The following REV1 variants were observed in gnomAD, a reference collection of about 807,000 sequenced individuals.
The protein encoded by REV1 is translesion synthesis protein REV1.
Under a neutral mutation model 137.4 loss-of-function variants are expected in REV1, and 42 were observed. The observed-to-expected ratio is 0.31, with a 90% confidence interval of 0.24 to 0.40. REV1 has a LOEUF of 0.40. REV1 is among the 10% of genes least tolerant of loss of function. The pLI is 1.00. For synonymous variants in REV1, 524 were observed against 519.2 expected (o/e 1.01, Z -0.12); for missense variants, 1,282 against 1,490.1 (o/e 0.86, Z 2.30).
At position 99,435,668 on chromosome 2, in the gene REV1, ACT is replaced by A. The variant is rs768276863; in HGVS notation, c.1321+164_1321+165del. The A allele has an allele frequency of 8.9e-4, 438 of 490,172 alleles. 5 individuals are homozygous for A. The highest frequency in any genetic ancestry group is 2.8e-3 in the Admixed American group (69 of 24,876). 30.4% of individuals were successfully genotyped at this position (490,172 alleles called of 1,614,324 possible). On this transcript the variant is annotated intron_variant, in intron 7 of 22. Coordinates refer to ENST00000258428, the MANE Select transcript of REV1 (RefSeq NM_016316.4). ...AAGATCCCTATAGGGAGAAAGAAAA[ACT>A]CTAATTTCCCTATACCTTCCCTGAT...
intron 3 of REV1, among the ~76,000 whole-genome samples, chr2:99,450,531 T>G (rs898947282): frequency 7.9e-5 from 12 of 152,176 alleles, no homozygotes; most frequent in African/African-American, 2.7e-4. Flanking sequence ...TGAGCTTTAG[T>G]TTCTAGAAGA....
chr2:99,472,194 T>C (rs1217512924), intron 1 of REV1, among the ~76,000 whole-genome samples: 5 of 152,144 alleles, frequency 3.3e-5, no homozygotes, highest in Non-Finnish European at 7.3e-5. Context: ...CAAAATGTGG[T>C]ATATACATAC....
rs780345242 is a variant in REV1, at chr2:99,402,330, G to A, written c.3558C>T (p.Asp1186=). 1.3e-6 allele frequency: 2 copies of A among 1,527,772 alleles called. No individual in the cohort carries two copies. The highest frequency in any genetic ancestry group is 3.6e-5 in the Admixed American group (2 of 54,818). The allele number at this position is 1,527,772 out of a possible 1,614,324, so 94.6% of individuals were successfully genotyped here. ...TACAGTATTTCACAACTTGGAGAAT[G>A]TCTTCTTCCATTGGATCTAGGAAGG... ...ITTISDPMEE[D]ILQVVKYCTD... is the part of the protein sequence containing the mutation. Residue 1186 remains aspartate, a synonymous_variant, in exon 22 of 23, where the codon GAC becomes GAT. Transcript: ENST00000258428.
chr2:99,440,715 G>C (rs2104842506), intron 5 of REV1, among the ~76,000 whole-genome samples: 1 of 152,244 alleles, frequency 6.6e-6, no homozygotes, highest in Middle Eastern at 3.4e-3. Context: ...GCATTTCAAA[G>C]AAATGTACAA....
At position 99,434,456 on chromosome 2, in the gene REV1, G is replaced by A; in HGVS notation, c.1322-8C>T. 6.4e-7 allele frequency: 1 copy of A among 1,571,960 alleles called. No homozygotes were observed. Among genetic ancestry groups the A allele is most frequent in the Admixed American group, 1.8e-5 (1 of 54,688 alleles). ...TAACAGCCACTGGTTTTCCTGTGAG[G>A]AAAATATTAAATTATTTCTGTATGT... On this transcript the variant is annotated splice_polypyrimidine_tract_variant and splice_region_variant and intron_variant, in intron 7 of 22. Coordinates refer to ENST00000258428, the MANE Select transcript of REV1 (RefSeq NM_016316.4).
chr2:99,410,335 A>G (rs969673337), intron 14 of REV1, among the ~76,000 whole-genome samples: 1 of 152,076 alleles, frequency 6.6e-6, no homozygotes, highest in East Asian at 1.9e-4. Flanking sequence ...TAAGAACTAC[A>G]TTGAAATTTT....
chr2:99,403,956 G>A lies in REV1; in HGVS notation c.3046-141C>T, dbSNP rs1675886998. The A allele has an allele frequency of 4.9e-6, 5 of 1,012,354 alleles. No homozygotes were observed. In the South Asian group the frequency reaches 8.1e-5, roughly 16 times the overall value. The allele number at this position is 1,012,354 out of a possible 1,614,324, so 62.7% of individuals were successfully genotyped here. On this transcript the variant is annotated intron_variant, in intron 18 of 22. Coordinates refer to ENST00000258428, the MANE Select transcript of REV1 (RefSeq NM_016316.4). Reference sequence around the variant, plus strand: ...TTCTTAACAGTTCCCCAATATCAAAGCTGATTAAATCTTCAAAATGGTTAG... The same window carrying A: ...TTCTTAACAGTTCCCCAATATCAAAACTGATTAAATCTTCAAAATGGTTAG...
At chr2:99,451,233 CCTAAA>C in intron 3 of REV1, 1 of 595,882 alleles carries the variant, frequency 1.7e-6, no homozygotes, top group Non-Finnish European at 2.2e-6. Context: ...CTGTAACTTT[CCTAAA>C]CTAATTCTAT....
chr2:99,403,943 C>T, intron 18 of REV1, 128 bp from the exon 19 acceptor site: 1 of 1,100,374 alleles, frequency 9.1e-7, no homozygotes, highest in Non-Finnish European at 1.3e-6. Context: ...CTTAACAGTT[C>T]CCCAATATCA....
intron 3 of REV1, among the ~76,000 whole-genome samples, chr2:99,455,660 T>C (rs1683454304): frequency 6.6e-6 from 1 of 152,152 alleles, no homozygotes; most frequent in Non-Finnish European, 1.5e-5. Context: ...GAAGGAGAGA[T>C]ATTATATATC....
At chr2:99,426,042 A>G (rs1485973525) in intron 9 of REV1, among the ~76,000 whole-genome samples, 2 of 149,522 alleles carry the variant, frequency 1.3e-5, no homozygotes, top group Admixed American at 1.3e-4. Context: ...ATCTCAAAAA[A>G]AGAAACCCAA....
chr2:99,431,827 A>G, intron 8 of REV1: 1 of 985,386 alleles, frequency 1.0e-6, no homozygotes, highest in Non-Finnish European at 1.2e-6. Flanking sequence ...GCAGGGACAC[A>G]CTGTCCTCAC....
In REV1 at chr2:99,409,619, G is replaced by A. The variant is rs569047723; in HGVS notation, c.2345+1076C>T. ...AACACTATGGGAGGCTGCGGTGGGC[G>A]GATCATTTGAAGTCAGGAGTTCAAG... is the stretch of plus-strand genomic sequence containing the variant. On this transcript the variant is annotated intron_variant, in intron 14 of 22. Transcript: ENST00000258428. Among the ~76,000 whole-genome samples, 93 of 152,138 alleles carry A rather than the reference G, an allele frequency of 6.1e-4. 1 individual carries two copies. The highest frequency in any genetic ancestry group is 2.7e-3 in the South Asian group (13 of 4,806).
intron 1 of REV1, among the ~76,000 whole-genome samples, chr2:99,484,973 C>A (rs1382739241): frequency 6.6e-6 from 1 of 152,084 alleles, no homozygotes; most frequent in Non-Finnish European, 1.5e-5. Flanking sequence ...AGACACTGCA[C>A]CTAGGAAAGA....
chr2:99,462,466 C>T (rs1559390041), intron 3 of REV1, 30 bp downstream of exon 3: 1 of 1,564,320 alleles, frequency 6.4e-7, no homozygotes. Flanking sequence ...AAATACATGC[C>T]AAAATAGGGT....
In REV1 at chr2:99,410,775, G is replaced by T; in HGVS notation, c.2265C>A (p.Leu755=). Residue 755 remains leucine, a synonymous_variant, in exon 14 of 23, where the codon CTC becomes CTA. Coordinates refer to ENST00000258428, the MANE Select transcript of REV1 (RefSeq NM_016316.4). ...CCCCAGGCTTTCGTACCATGATTTT[G>T]AGAGTTAGACGTTTACCCTTCATGC... ...ATGMKGKRLT[L]KIMVRKPGAP... is the part of the protein sequence containing the mutation. 1.9e-6 allele frequency: 3 copies of T among 1,612,380 alleles called. No individual in the cohort carries two copies. Among genetic ancestry groups the T allele is most frequent in the Non-Finnish European group, 2.5e-6 (3 of 1,179,562 alleles).
intron 3 of REV1, among the ~76,000 whole-genome samples, chr2:99,450,590 CA>C (rs1249823127): frequency 1.3e-5 from 2 of 152,118 alleles, no homozygotes; most frequent in African/African-American, 4.8e-5. Context: ...CTAAATTTTA[CA>C]GCACAAAATT....
At chr2:99,458,200 A>C (rs1382955442) in intron 3 of REV1, among the ~76,000 whole-genome samples, 2 of 152,222 alleles carry the variant, frequency 1.3e-5, no homozygotes, top group African/African-American at 2.4e-5. Context: ...TTTATGACAA[A>C]GCAGTAGTCT....
At chr2:99,444,596 T>C (rs1330614920) in intron 4 of REV1, among the ~76,000 whole-genome samples, 2 of 152,192 alleles carry the variant, frequency 1.3e-5, no homozygotes, top group Non-Finnish European at 2.9e-5. Context: ...ACTGCAAGTC[T>C]CAAATCAGAT....
Sources: allele counts gnomAD v4.1 joint callset (sites outside exome capture counted in the v4.1 genomes callset), GRCh38; gene constraint gnomAD v4.1.1; transcripts MANE v1.5; gene names NCBI Gene and HGNC (gene_info 2026-07-23, HGNC 2026-07-21).